Variants in PYM1 observed in about 807,000 individuals in gnomAD.
PYM1 encodes partner of Y14 and mago.
In PYM1, 7 loss-of-function variants were observed where a neutral mutation model predicts 20.7. The observed-to-expected ratio is 0.34, with a 90% confidence interval of 0.19 to 0.64. PYM1 has a LOEUF of 0.64. PYM1 is among the 30% of genes least tolerant of loss of function. PYM1 has a pLI of 0.74. For synonymous variants in PYM1, 100 were observed against 99.2 expected, an observed-to-expected ratio of 1.01 and a Z score of -0.05; for missense variants, 194 against 250.0, an observed-to-expected ratio of 0.78 and a Z score of 1.51.
chr12:55,914,444 G>A lies in PYM1; in HGVS notation c.38-10964C>T, dbSNP rs539621071. 74 of 681,596 alleles carry A rather than the reference G, an allele frequency of 1.1e-4. No individual in the cohort carries two copies. The African/African-American group carries it at 1.1e-3, about 10-fold the overall frequency. 42.2% of individuals were successfully genotyped at this position (681,596 alleles called of 1,614,324 possible). A position where few individuals can be genotyped will look rare whatever the true frequency, so the allele number is the denominator to read the frequency against. On this transcript the variant is annotated intron_variant, in intron 1 of 2. Coordinates refer to ENST00000408946, the MANE Select transcript of PYM1 (RefSeq NM_032345.3). Reference sequence around the variant, plus strand: ...AGAGAGTCAAAAACTAGAGATTGGGGACTGCTACTGTAAGAATCTTTTTAA... The same window carrying A: ...AGAGAGTCAAAAACTAGAGATTGGGAACTGCTACTGTAAGAATCTTTTTAA...
In PYM1 at chr12:55,909,622, G is replaced by A. The variant is rs558843544; in HGVS notation, c.38-6142C>T. On this transcript the variant is annotated intron_variant, in intron 1 of 2. Transcript: ENST00000408946. ...ACACCAGAGACATGGAAACTAGTTA[G>A]GGAAAAAATATTGTGATAATCCTGG... Among the ~76,000 whole-genome samples, 5 of 151,368 alleles carry A rather than the reference G, an allele frequency of 3.3e-5. No homozygotes were observed. In the South Asian group the frequency reaches 8.3e-4, roughly 25 times the overall value.
chr12:55,914,530 C>G (rs894832033), intron 1 of PYM1, among the ~76,000 whole-genome samples: 7 of 152,164 alleles, frequency 4.6e-5, no homozygotes, highest in African/African-American at 1.7e-4. Context: ...TTAAGTCTGT[C>G]AGCAATAAAA....
chr12:55,908,769 T>C (rs1414212048), intron 1 of PYM1, among the ~76,000 whole-genome samples: 3 of 152,016 alleles, frequency 2.0e-5, no homozygotes, highest in East Asian at 1.9e-4. Flanking sequence ...GGAGAATCAC[T>C]TGAGCCCAGG....
intron 1 of PYM1, chr12:55,914,162 G>T (rs1882968366): frequency 1.6e-6 from 1 of 614,120 alleles, no homozygotes; most frequent in Admixed American, 2.7e-5. Context: ...ATAGCTGAAG[G>T]TTTAGGAGGA....
intron 1 of PYM1, chr12:55,914,190 T>G: frequency 3.0e-6 from 2 of 660,698 alleles, no homozygotes; most frequent in Non-Finnish European, 5.5e-6. Flanking sequence ...TAGACTGTAA[T>G]GAAAGGCAGA....
intron 1 of PYM1, among the ~76,000 whole-genome samples, chr12:55,926,562 C>T (rs1403787426): frequency 6.6e-6 from 1 of 152,172 alleles, no homozygotes; most frequent in East Asian, 1.9e-4. Context: ...CCCTTCACAC[C>T]TCTAAACCTC....
chr12:55,912,383 A>C (rs1348443575), intron 1 of PYM1, among the ~76,000 whole-genome samples: 2 of 152,060 alleles, frequency 1.3e-5, no homozygotes, highest in Admixed American at 1.3e-4. Flanking sequence ...AACATGCAAT[A>C]ATGAAAATTC....
intron 1 of PYM1, among the ~76,000 whole-genome samples, chr12:55,926,862 C>A (rs1165819191): frequency 6.6e-6 from 1 of 152,130 alleles, no homozygotes; most frequent in African/African-American, 2.4e-5. Context: ...CACTGAAGGA[C>A]CCCAGGGTTT....
At chr12:55,916,898 T>G (rs762078052) in intron 1 of PYM1, among the ~76,000 whole-genome samples, 7 of 151,768 alleles carry the variant, frequency 4.6e-5, no homozygotes, top group Non-Finnish European at 8.8e-5. Flanking sequence ...ATCGCTTGCA[T>G]CCAGGAGTTC....
chr12:55,915,269 G>A (rs1380406279), intron 1 of PYM1, among the ~76,000 whole-genome samples: 1 of 140,086 alleles, frequency 7.1e-6, no homozygotes, highest in Admixed American at 7.4e-5. Flanking sequence ...ATTAAATACT[G>A]CAGAGAGATC....
chr12:55,915,077 T>G (rs980528162), intron 1 of PYM1, among the ~76,000 whole-genome samples: 2 of 151,826 alleles, frequency 1.3e-5, no homozygotes, highest in Non-Finnish European at 2.9e-5. Flanking sequence ...TAGCCGGGCA[T>G]GGAGGCACAT....
chr12:55,912,660 C>G (rs746847101), intron 1 of PYM1, among the ~76,000 whole-genome samples: 59 of 152,122 alleles, frequency 3.9e-4, no homozygotes, highest in Admixed American at 5.9e-4. Flanking sequence ...CCACCATACT[C>G]TCTGCTCTAG....
At chr12:55,909,429 A>G (rs896865643) in intron 1 of PYM1, among the ~76,000 whole-genome samples, 13 of 152,244 alleles carry the variant, frequency 8.5e-5, no homozygotes, top group Admixed American at 8.5e-4. Context: ...AAAGATTTTA[A>G]TATCTGGCAC....
chr12:55,905,574 C>T (rs1303889460), intron 1 of PYM1, among the ~76,000 whole-genome samples: 18 of 149,394 alleles, frequency 1.2e-4, no homozygotes, highest in Non-Finnish European at 1.5e-4. Context: ...TGGTGGCAGG[C>T]GCCTGTAATC....
At chr12:55,905,827 T>C (rs1882789184) in intron 1 of PYM1, among the ~76,000 whole-genome samples, 1 of 125,800 alleles carries the variant, frequency 7.9e-6, no homozygotes, top group Non-Finnish European at 1.6e-5. Flanking sequence ...ATTCTAATTT[T>C]CTATATATAT....
intron 1 of PYM1, among the ~76,000 whole-genome samples, chr12:55,925,771 G>A (rs1222638653): frequency 1.3e-5 from 2 of 152,160 alleles, no homozygotes; most frequent in Non-Finnish European, 2.9e-5. Flanking sequence ...TTAGTGACAA[G>A]GTAAGGTAAG....
intron 1 of PYM1, among the ~76,000 whole-genome samples, chr12:55,918,639 G>A (rs1056823369): frequency 4.6e-5 from 7 of 152,124 alleles, no homozygotes; most frequent in East Asian, 1.9e-4. Flanking sequence ...AGGCCAAGGC[G>A]GGTGGATCAC....
intron 1 of PYM1, among the ~76,000 whole-genome samples, chr12:55,923,448 C>T (rs1168214921): frequency 2.0e-5 from 3 of 151,530 alleles, no homozygotes; most frequent in African/African-American, 7.3e-5. Context: ...TACCTGTAGT[C>T]CCAGCTACTC....
At chr12:55,915,772 C>CTA (rs925996513) in intron 1 of PYM1, among the ~76,000 whole-genome samples, 5 of 151,914 alleles carry the variant, frequency 3.3e-5, no homozygotes, top group African/African-American at 9.7e-5. Context: ...TCATTTGACA[C>CTA]TAAAGACTAG....
Sources: gnomAD v4.1 joint callset for allele counts (sites outside exome capture counted in the v4.1 genomes callset) on GRCh38, gnomAD v4.1.1 for gene constraint, MANE v1.5 for transcripts, NCBI Gene and HGNC (gene_info 2026-07-23, HGNC 2026-07-21) for gene names.